SCRG1: variants seen among roughly 807,000 people sequenced by gnomAD.
SCRG1 encodes stimulator of chondrogenesis 1, also known as scrapie-responsive protein 1.
In SCRG1, 3 loss-of-function variants were observed where a neutral mutation model predicts 7.7. The observed-to-expected ratio is 0.39, with a 90% CI of 0.18 to 1.01. The LOEUF (loss-of-function observed/expected upper bound fraction) is 1.01, where lower values mean the gene tolerates loss of function less well. Ranked by LOEUF, SCRG1 falls within the 50% of genes least tolerant of loss-of-function variation. The pLI is 0.36. For synonymous variants in SCRG1, 46 were observed against 41.2 expected (o/e 1.12, Z -0.44); for missense variants, 110 against 117.2 (o/e 0.94, Z 0.28).
intron 1 of SCRG1, among the ~76,000 whole-genome samples, chr4:173,395,992 A>T (rs868868895): frequency 1.3e-5 from 2 of 152,190 alleles, no homozygotes; most frequent in African/African-American, 4.8e-5. Flanking sequence ...ATGCCTTTTT[A>T]AAAAAATCCC....
chr4:173,485,560 G>A, the SCRG1 span, among the ~76,000 whole-genome samples: 1 of 152,114 alleles, frequency 6.6e-6, no homozygotes, highest in East Asian at 1.9e-4. Flanking sequence ...GTTGTTTTAA[G>A]CCATTAAGTT....
the SCRG1 span, among the ~76,000 whole-genome samples, chr4:173,513,723 TCTC>T: frequency 6.6e-6 from 1 of 152,136 alleles, no homozygotes; most frequent in Non-Finnish European, 1.5e-5. Flanking sequence ...ACACCATCCT[TCTC>T]CTCTCCCCCT....
the SCRG1 span, among the ~76,000 whole-genome samples, chr4:173,501,958 TC>T: frequency 6.6e-6 from 1 of 152,118 alleles, no homozygotes; most frequent in East Asian, 1.9e-4. The surrounding 1 kb of genome is among the most constrained non-coding windows in gnomAD (Gnocchi z 5.1). Context: ...TTTGCCAGGT[TC>T]TTTGGGGGAT....
the SCRG1 span, among the ~76,000 whole-genome samples, chr4:173,490,928 C>T: frequency 3.3e-5 from 5 of 152,240 alleles, no homozygotes; most frequent in African/African-American, 9.6e-5. Context: ...CCAAGTGTCC[C>T]GTCCTCTCCC....
chr4:173,492,497 C>A, the SCRG1 span, among the ~76,000 whole-genome samples: 72,314 of 152,078 alleles, frequency 0.48, 20,199 homozygotes, highest in Non-Finnish European at 0.63. Flanking sequence ...GCATGAGGCA[C>A]CCAAGCAGGC....
intron 2 of SCRG1, chr4:173,389,757 T>C (rs1043377366): frequency 2.4e-5 from 6 of 245,652 alleles, no homozygotes; most frequent in African/African-American, 6.8e-5. Flanking sequence ...ACGTGGGTTC[T>C]AATCCCAGTG....
chr4:173,477,913 C>T, the SCRG1 span, among the ~76,000 whole-genome samples: 2 of 152,054 alleles, frequency 1.3e-5, no homozygotes, highest in Admixed American at 6.6e-5. Flanking sequence ...GGACCACAGG[C>T]ATGCACCACC....
the SCRG1 span, among the ~76,000 whole-genome samples, chr4:173,483,514 A>AGATAT: frequency 7.9e-5 from 1 of 12,654 alleles, no homozygotes; most frequent in African/African-American, 2.1e-4. Context: ...CTGATATATA[A>AGATAT]TATATATTAT....
the SCRG1 span, among the ~76,000 whole-genome samples, chr4:173,435,306 G>T: frequency 6.6e-6 from 1 of 152,132 alleles, no homozygotes; most frequent in Admixed American, 6.5e-5. Flanking sequence ...TTCCCTAGGA[G>T]ACTGATTTTT....
At chr4:173,475,664 C>G in the SCRG1 span, among the ~76,000 whole-genome samples, 1 of 151,994 alleles carries the variant, frequency 6.6e-6, no homozygotes, top group Non-Finnish European at 1.5e-5. Flanking sequence ...GCATCATTCA[C>G]AATAGTCAAA....
intron 1 of SCRG1, among the ~76,000 whole-genome samples, chr4:173,405,434 T>C (rs2126924591): frequency 6.6e-6 from 1 of 152,182 alleles, no homozygotes; most frequent in East Asian, 1.9e-4. Flanking sequence ...GCACATTTAC[T>C]CTTTTTCTCC....
At chr4:173,511,076 C>T in the SCRG1 span, among the ~76,000 whole-genome samples, 18 of 152,172 alleles carry the variant, frequency 1.2e-4, no homozygotes, top group African/African-American at 7.2e-5. The surrounding 1 kb of genome is among the most constrained non-coding windows in gnomAD (Gnocchi z 5.2). Flanking sequence ...AAGCGATTCT[C>T]CTACCTCAGC....
chr4:173,485,978 C>CA, the SCRG1 span, among the ~76,000 whole-genome samples: 1 of 151,038 alleles, frequency 6.6e-6, no homozygotes, highest in African/African-American at 2.5e-5. Flanking sequence ...TCAAAAACAA[C>CA]AAAAAAAATT....
At chr4:173,475,879 G>A in the SCRG1 span, among the ~76,000 whole-genome samples, 1 of 151,994 alleles carries the variant, frequency 6.6e-6, no homozygotes, top group Admixed American at 6.6e-5. Context: ...GGAATAGAAA[G>A]TATCTAGAAT....
the SCRG1 span, among the ~76,000 whole-genome samples, chr4:173,483,218 A>T: frequency 0.03 from 467 of 15,766 alleles, 8 homozygotes; most frequent in African/African-American, 0.059. Context: ...ATATCATATA[A>T]TATATATATT....
the SCRG1 span, among the ~76,000 whole-genome samples, chr4:173,467,616 C>G: frequency 6.6e-6 from 1 of 152,050 alleles, no homozygotes; most frequent in Admixed American, 6.5e-5. Context: ...TTCTTAGAAC[C>G]CCTCCCGCTG....
the SCRG1 span, among the ~76,000 whole-genome samples, chr4:173,428,337 C>T: frequency 6.6e-6 from 1 of 152,122 alleles, no homozygotes; most frequent in African/African-American, 2.4e-5. Flanking sequence ...GCTGGGGAAA[C>T]GTTTACTGGA....
chr4:173,419,516 A>G, the SCRG1 span: 2,760 of 739,922 alleles, frequency 3.7e-3, 13 homozygotes, highest in Non-Finnish European at 4.8e-3. Context: ...TAAGTAGCGC[A>G]GGTCATCTGC....
chr4:173,483,212 C>CATATTAT, the SCRG1 span, among the ~76,000 whole-genome samples: 1 of 14,658 alleles, frequency 6.8e-5, no homozygotes, highest in Admixed American at 1.2e-3. Context: ...TATGATATAT[C>CATATTAT]ATATAATATA....
Sources: gnomAD v4.1 joint callset for allele counts (sites outside exome capture counted in the v4.1 genomes callset) on GRCh38, gnomAD v4.1.1 for gene constraint, Gnocchi (gnomAD v3.1) non-coding constraint, MANE v1.5 for transcripts, NCBI Gene and HGNC (gene_info 2026-07-23, HGNC 2026-07-21) for gene names.